The following TMEM132C variants were observed in gnomAD, a reference collection of about 807,000 sequenced individuals.
TMEM132C encodes transmembrane protein 132C, also known as protein phosphatase 1, regulatory subunit 152.
Under a neutral mutation model 61.4 loss-of-function variants are expected in TMEM132C, and 29 were observed. The observed-to-expected ratio is 0.47, with a 90% CI of 0.35 to 0.64. The LOEUF (loss-of-function observed/expected upper bound fraction) is 0.64. Ranked by LOEUF, TMEM132C falls within the 30% of genes least tolerant of loss-of-function variation. The pLI, the probability that TMEM132C is intolerant of heterozygous loss-of-function variation, is 0.00. For synonymous variants in TMEM132C, 656 were observed against 633.1 expected (o/e 1.04, Z -0.54); for missense variants, 1,408 against 1,476.9 (o/e 0.95, Z 0.76).
At chr12:128,693,346 C>T (rs1954733584) in intron 5 of TMEM132C, among the ~76,000 whole-genome samples, 2 of 152,308 alleles carry the variant, frequency 1.3e-5, no homozygotes, top group Non-Finnish European at 1.5e-5. Context: ...CATCAAATTA[C>T]TCAGCCCACC....
At chr12:128,304,716 G>C (rs2135921504) in intron 1 of TMEM132C, among the ~76,000 whole-genome samples, 1 of 152,326 alleles carries the variant, frequency 6.6e-6, no homozygotes, top group East Asian at 1.9e-4. Context: ...GAAAAAATCT[G>C]GGAAGATGTA....
chr12:128,350,622 G>A (rs1252905166), intron 1 of TMEM132C, among the ~76,000 whole-genome samples: 2 of 152,070 alleles, frequency 1.3e-5, no homozygotes, highest in African/African-American at 2.4e-5. Flanking sequence ...GGTGGGGGAT[G>A]CATCAGGGAC....
intron 2 of TMEM132C, among the ~76,000 whole-genome samples, chr12:128,499,523 T>G (rs1872083745): frequency 6.6e-6 from 1 of 152,192 alleles, no homozygotes; most frequent in Non-Finnish European, 1.5e-5. Flanking sequence ...TCAGCCTGTA[T>G]TTTGTACCCA....
At chr12:128,547,951 GC>G (rs1475438926) in intron 3 of TMEM132C, among the ~76,000 whole-genome samples, 1 of 152,142 alleles carries the variant, frequency 6.6e-6, no homozygotes, top group Non-Finnish European at 1.5e-5. Flanking sequence ...ATGCCCCCTG[GC>G]CCTTTGCCCA....
intron 1 of TMEM132C, among the ~76,000 whole-genome samples, chr12:128,375,074 TCAG>T (rs1874153681): frequency 6.6e-6 from 1 of 152,008 alleles, no homozygotes; most frequent in Non-Finnish European, 1.5e-5. Flanking sequence ...TATGCAATGT[TCAG>T]CAGCGTCCGT....
chr12:128,426,191 C>T (rs751377215), intron 2 of TMEM132C, among the ~76,000 whole-genome samples: 4 of 152,208 alleles, frequency 2.6e-5, no homozygotes, highest in Admixed American at 6.5e-5. Flanking sequence ...GAGTCTAGAC[C>T]GCACTCTTAA....
chr12:128,595,638 A>C (rs1375930546), intron 3 of TMEM132C, among the ~76,000 whole-genome samples: 1 of 152,196 alleles, frequency 6.6e-6, no homozygotes, highest in Admixed American at 6.5e-5. Context: ...AGCCTGACCC[A>C]GTGAGACCAG....
chr12:128,668,889 G>A lies in TMEM132C; in HGVS notation c.1306-528G>A, dbSNP rs540289077. ...ATGGCTCCCTCTTATAAGGACTTTA[G>A]GATGACTGGATCCACCTAGATAATC... is the stretch of plus-strand genomic sequence containing the variant. On this transcript the variant is annotated intron_variant, in intron 4 of 8. Coordinates refer to ENST00000435159, the MANE Select transcript of TMEM132C (RefSeq NM_001136103.3). 5.3e-5 allele frequency among the ~76,000 whole-genome samples: 8 copies of A among 152,168 alleles called. No homozygotes were observed. The South Asian group carries it at 1.7e-3, about 32-fold the overall frequency.
rs55999607 is a variant in TMEM132C, at chr12:128,524,012, C to CA, written c.975-19920dup. Among the ~76,000 whole-genome samples, 373 of 135,230 alleles carry CA rather than the reference C, an allele frequency of 2.8e-3. 1 individual carries two copies. Among genetic ancestry groups the CA allele is most frequent in the African/African-American group, 0.011 (360 of 34,128 alleles). The allele number at this position is 135,230 out of a possible 152,430, so 88.7% of individuals were successfully genotyped here. ...TGGGCAACAGAGCAAGACGCCATCT[C>CA]AAAAAAAAAAAAAAAAAAAAAAAAA... is the stretch of plus-strand genomic sequence containing the variant. On this transcript the variant is annotated intron_variant, in intron 2 of 8. Coordinates refer to ENST00000435159, the MANE Select transcript of TMEM132C (RefSeq NM_001136103.3).
At chr12:128,522,331 T>C (rs1170853114) in intron 2 of TMEM132C, among the ~76,000 whole-genome samples, 1 of 152,110 alleles carries the variant, frequency 6.6e-6, no homozygotes, top group Non-Finnish European at 1.5e-5. Flanking sequence ...GTGTCTAGAG[T>C]TACTCATGGC....
chr12:128,315,656 T>A (rs1409204583), intron 1 of TMEM132C, among the ~76,000 whole-genome samples: 2 of 152,084 alleles, frequency 1.3e-5, no homozygotes, highest in African/African-American at 4.8e-5. Context: ...AAAATGTTTA[T>A]CCATGTAGGA....
intron 1 of TMEM132C, among the ~76,000 whole-genome samples, chr12:128,309,015 G>T (rs1366974883): frequency 1.3e-5 from 2 of 151,966 alleles, no homozygotes; most frequent in African/African-American, 4.8e-5. Flanking sequence ...GATATTTGGG[G>T]TGTCTGTGAT....
intron 2 of TMEM132C, among the ~76,000 whole-genome samples, chr12:128,507,703 C>T (rs1217893510): frequency 6.6e-6 from 1 of 152,258 alleles, no homozygotes; most frequent in Non-Finnish European, 1.5e-5. Flanking sequence ...AGGTGTGAAA[C>T]CACTCTTCAC....
At chr12:128,307,783 T>C (rs560467415) in intron 1 of TMEM132C, among the ~76,000 whole-genome samples, 1 of 152,238 alleles carries the variant, frequency 6.6e-6, no homozygotes, top group African/African-American at 2.4e-5. Flanking sequence ...ATGACTCTTA[T>C]GCCCTCAGTT....
chr12:128,648,203 G>T (rs1393843686), intron 4 of TMEM132C, among the ~76,000 whole-genome samples: 1 of 150,576 alleles, frequency 6.6e-6, no homozygotes, highest in African/African-American at 2.4e-5. Flanking sequence ...GTCCATCAGC[G>T]TTGGATGTGA....
chr12:128,629,512 A>G (rs371289618), intron 4 of TMEM132C, among the ~76,000 whole-genome samples: 38 of 152,328 alleles, frequency 2.5e-4, no homozygotes, highest in African/African-American at 9.6e-5. Context: ...AATATGAGGT[A>G]TCTGAGATAG....
At chr12:128,674,587 G>T (rs1351638501) in intron 5 of TMEM132C, among the ~76,000 whole-genome samples, 2 of 152,156 alleles carry the variant, frequency 1.3e-5, no homozygotes, top group African/African-American at 2.4e-5. Context: ...ATATCTGAGG[G>T]TTTCCTCTCC....
intron 3 of TMEM132C, among the ~76,000 whole-genome samples, chr12:128,564,726 TTGTATTTCTCACCTCATGAGA>T (rs1331335137): frequency 1.3e-5 from 2 of 152,196 alleles, no homozygotes; most frequent in Non-Finnish European, 2.9e-5. Context: ...AAAAGGGAAC[TTGTATTTCTCACCTCATGAGA>T]TTGCCCTCAA....
chr12:128,684,617 A>G (rs58416466), intron 5 of TMEM132C, among the ~76,000 whole-genome samples: 16,132 of 152,272 alleles, frequency 0.11, 1,849 homozygotes, highest in African/African-American at 0.29. Flanking sequence ...TCTTGGCAGC[A>G]TTGTGCATTG....
Sources: gnomAD v4.1 joint callset for allele counts (sites outside exome capture counted in the v4.1 genomes callset) on GRCh38, gnomAD v4.1.1 for gene constraint, MANE v1.5 for transcripts, NCBI Gene and HGNC (gene_info 2026-07-23, HGNC 2026-07-21) for gene names.